The following ACBD6 variants were observed in gnomAD, a reference collection of about 807,000 sequenced individuals.
ACBD6 encodes the protein acyl-CoA-binding domain-containing protein 6.
ACBD6 carries 28 observed loss-of-function variants against 37.2 expected under a neutral mutation model. That is an observed-to-expected ratio of 0.75 (90% CI 0.56 to 1.03). ACBD6 has a LOEUF of 1.03. Ranked by LOEUF, ACBD6 falls within the 50% of genes least tolerant of loss-of-function variation. The pLI is 0.00. For missense variants in ACBD6, 340 were observed against 337.4 expected, an observed-to-expected ratio of 1.01 and a Z score of -0.06; for synonymous variants, 113 against 126.8, an observed-to-expected ratio of 0.89 and a Z score of 0.73.
intron 7 of ACBD6, among the ~76,000 whole-genome samples, chr1:180,290,219 G>C (rs1055791101): frequency 6.6e-6 from 1 of 152,130 alleles, no homozygotes; most frequent in Non-Finnish European, 1.5e-5. Context: ...GACAGGGTCT[G>C]GCTCTGTCTC....
intron 6 of ACBD6, among the ~76,000 whole-genome samples, chr1:180,316,498 T>C (rs2149292018): frequency 6.6e-6 from 1 of 152,300 alleles, no homozygotes; most frequent in African/African-American, 2.4e-5. Context: ...AGGTTGTATT[T>C]TCCACAATTA....
intron 6 of ACBD6, among the ~76,000 whole-genome samples, chr1:180,389,271 G>A (rs762085353): frequency 1.3e-5 from 2 of 152,170 alleles, no homozygotes; most frequent in Non-Finnish European, 2.9e-5. Flanking sequence ...TAGTCCTTGT[G>A]ATAGTTTACT....
chr1:180,334,175 C>T (rs184615544), intron 6 of ACBD6, among the ~76,000 whole-genome samples: 51 of 152,312 alleles, frequency 3.3e-4, no homozygotes, highest in Middle Eastern at 3.4e-3. Flanking sequence ...TAGTGGTTCT[C>T]CCAGCACATA....
intron 3 of ACBD6, among the ~76,000 whole-genome samples, chr1:180,468,273 T>C (rs970720057): frequency 6.6e-5 from 10 of 152,312 alleles, no homozygotes; most frequent in African/African-American, 2.4e-4. Context: ...TTACTGAGGA[T>C]AGAGATTCTG....
intron 3 of ACBD6, among the ~76,000 whole-genome samples, chr1:180,487,070 A>G (rs1159200096): frequency 1.3e-5 from 2 of 151,838 alleles, no homozygotes; most frequent in Admixed American, 6.6e-5. Flanking sequence ...CTAAAGATAC[A>G]TGACAACTAA....
intron 7 of ACBD6, among the ~76,000 whole-genome samples, chr1:180,302,375 A>C (rs954843375): frequency 1.3e-5 from 2 of 151,958 alleles, no homozygotes; most frequent in African/African-American, 2.4e-5. Flanking sequence ...TTAAAAAAAA[A>C]CCCTGCATAT....
intron 4 of ACBD6, among the ~76,000 whole-genome samples, chr1:180,428,176 A>G (rs1318521099): frequency 6.6e-6 from 1 of 152,184 alleles, no homozygotes; most frequent in African/African-American, 2.4e-5. Context: ...AGATGATATC[A>G]TAAGACTAAT....
At chr1:180,384,296 C>T (rs1475277860) in intron 6 of ACBD6, among the ~76,000 whole-genome samples, 1 of 151,884 alleles carries the variant, frequency 6.6e-6, no homozygotes, top group African/African-American at 2.4e-5. Flanking sequence ...GAAACTCAAA[C>T]CATTCAATAG....
At chr1:180,422,314 T>C (rs1258301195) in intron 4 of ACBD6, among the ~76,000 whole-genome samples, 2 of 152,032 alleles carry the variant, frequency 1.3e-5, no homozygotes, top group Non-Finnish European at 2.9e-5. Flanking sequence ...CAAGCAATTC[T>C]CCTGCCTCTG....
intron 6 of ACBD6, among the ~76,000 whole-genome samples, chr1:180,344,415 G>C (rs1172508397): frequency 6.6e-6 from 1 of 152,154 alleles, no homozygotes; most frequent in Non-Finnish European, 1.5e-5. Flanking sequence ...CCATGGTATA[G>C]TAAAATGATT....
At chr1:180,478,152 C>A (rs1334908572) in intron 3 of ACBD6, among the ~76,000 whole-genome samples, 3 of 151,868 alleles carry the variant, frequency 2.0e-5, no homozygotes, top group Non-Finnish European at 4.4e-5. Context: ...AAAAGTACAT[C>A]ATTTTGGGAT....
At chr1:180,277,441 G>A (rs1355720085) in intron 9 of ACBD6, 1 of 152,188 alleles carries the variant, frequency 6.6e-6, no homozygotes, top group East Asian at 1.9e-4. Flanking sequence ...TATCTGCAGT[G>A]CCTGGCTGGT....
chr1:180,366,604 C>T (rs1213596355), intron 6 of ACBD6, among the ~76,000 whole-genome samples: 1 of 152,112 alleles, frequency 6.6e-6, no homozygotes, highest in African/African-American at 2.4e-5. Flanking sequence ...ACTTGATTCA[C>T]ACTGTACTGT....
chr1:180,488,004 GTTCT>G (rs1353880733), intron 3 of ACBD6, among the ~76,000 whole-genome samples: 10 of 152,142 alleles, frequency 6.6e-5, no homozygotes, highest in Non-Finnish European at 1.0e-4. Context: ...ATAAGAAAAG[GTTCT>G]TTTTCTTAGG....
chr1:180,410,319 T>C (rs1233291672), intron 5 of ACBD6, among the ~76,000 whole-genome samples: 2 of 152,244 alleles, frequency 1.3e-5, no homozygotes, highest in African/African-American at 4.8e-5. Context: ...TAAAGGTGAC[T>C]ACACTCAACA....
At chr1:180,416,907 T>C (rs1039075078) in intron 4 of ACBD6, among the ~76,000 whole-genome samples, 1 of 152,182 alleles carries the variant, frequency 6.6e-6, no homozygotes, top group Non-Finnish European at 1.5e-5. Flanking sequence ...TGGAAGGAAC[T>C]AGCTTGGAAA....
At chr1:180,426,318 T>C (rs1283668544) in intron 4 of ACBD6, among the ~76,000 whole-genome samples, 1 of 152,220 alleles carries the variant, frequency 6.6e-6, no homozygotes, top group Admixed American at 6.5e-5. Context: ...ATTTACTACA[T>C]TTTTAATTCT....
chr1:180,295,812 A>C (rs1242995296), intron 7 of ACBD6, among the ~76,000 whole-genome samples: 1 of 152,106 alleles, frequency 6.6e-6, no homozygotes, highest in Non-Finnish European at 1.5e-5. Flanking sequence ...TCCCTCGTCT[A>C]TCCCTCTCCT....
intron 3 of ACBD6, among the ~76,000 whole-genome samples, chr1:180,490,961 T>TAAAAAAAAA (rs67650274): frequency 1.1e-5 from 1 of 93,850 alleles, no homozygotes; most frequent in African/African-American, 4.0e-5. Context: ...CTGTCTCATA[T>TAAAAAAAAA]AAAAAAAAAA....
Sources: allele counts gnomAD v4.1 joint callset (sites outside exome capture counted in the v4.1 genomes callset), GRCh38; gene constraint gnomAD v4.1.1; transcripts MANE v1.5; gene names NCBI Gene and HGNC (gene_info 2026-07-23, HGNC 2026-07-21).